SAMD11: variants seen among roughly 807,000 people sequenced by gnomAD.
SAMD11 encodes the protein sterile alpha motif domain-containing protein 11.
Under a neutral mutation model 64.4 loss-of-function variants are expected in SAMD11, and 77 were observed. That is an observed-to-expected ratio of 1.20 (90% confidence interval 0.99 to 1.44). The LOEUF (loss-of-function observed/expected upper bound fraction) is 1.44. Among genes scored for constraint, SAMD11 ranks in the 40% most tolerant of loss-of-function variants. The pLI, the probability that SAMD11 is intolerant of heterozygous loss-of-function variation, is 0.00. For missense variants in SAMD11, 1,402 were observed against 943.3 expected, an observed-to-expected ratio of 1.49 and a Z score of -6.37; for synonymous variants, 658 against 421.9, an observed-to-expected ratio of 1.56 and a Z score of -6.86.
At chr1:927,817 C>T (rs1306511231) in intron 2 of SAMD11, among the ~76,000 whole-genome samples, 1 of 152,202 alleles carries the variant, frequency 6.6e-6, no homozygotes, top group Non-Finnish European at 1.5e-5. Context: ...GTGTTCTGTC[C>T]TTGGGCAGGG....
intron 8 of SAMD11, among the ~76,000 whole-genome samples, chr1:941,543 G>A (rs1221836567): frequency 1.3e-5 from 2 of 152,094 alleles, no homozygotes; most frequent in Non-Finnish European, 2.9e-5. Context: ...AGCCAGAGAA[G>A]GGGAGAGCTC....
intron 7 of SAMD11, 116 bp downstream of exon 7, chr1:939,528 T>A: frequency 6.5e-7 from 1 of 1,537,226 alleles, no homozygotes; most frequent in East Asian, 2.3e-5. Flanking sequence ...GCCATTCCTG[T>A]TGCTGAGGCC....
intron 1 of SAMD11, among the ~76,000 whole-genome samples, chr1:925,340 G>C (rs1419217700): frequency 6.7e-6 from 1 of 149,748 alleles, no homozygotes; most frequent in Admixed American, 6.7e-5. Flanking sequence ...GCGCGGCGGG[G>C]GAGGCTGCGG....
intron 2 of SAMD11, among the ~76,000 whole-genome samples, chr1:926,218 C>T (rs539026843): frequency 2.0e-5 from 3 of 152,356 alleles, no homozygotes; most frequent in South Asian, 2.1e-4. Context: ...CTCGGGCACC[C>T]GAGCGCCCTC....
Position 939,574 on chromosome 1 carries a change from T to TGGAGGACCCC in SAMD11, c.1195+162_1195+163insGGAGGACCCC, listed in dbSNP as rs79212057. On this transcript the variant is annotated intron_variant, in intron 7 of 13. Coordinates refer to ENST00000616016, the MANE Select transcript of SAMD11 (RefSeq NM_001385641.1). Reference sequence around the variant, plus strand: ...CAAGGCCAGGCTGGATGCAGGTCCCTCTGCCACACGTCCTGCCCCATGCCC... The same window carrying TGGAGGACCCC: ...CAAGGCCAGGCTGGATGCAGGTCCCTGGAGGACCCCCTGCCACACGTCCTGCCCCATGCCC... 403 of 1,328,162 alleles carry TGGAGGACCCC rather than the reference T, an allele frequency of 3.0e-4. 33 individuals are homozygous for TGGAGGACCCC. The highest frequency in any genetic ancestry group is 5.3e-4 in the African/African-American group (35 of 66,642). 82.3% of individuals were successfully genotyped at this position (1,328,162 alleles called of 1,614,324 possible).
rs1641854135 is a variant in SAMD11, at chr1:942,604, C to G, written c.1599C>G (p.Ser533Arg). 1 of 1,435,424 alleles carries G rather than the reference C, an allele frequency of 7.0e-7. No homozygotes were observed. Among genetic ancestry groups the G allele is most frequent in the African/African-American group, 1.5e-5 (1 of 66,880 alleles). The allele number at this position is 1,435,424 out of a possible 1,614,324, so 88.9% of individuals were successfully genotyped here. A position where few individuals can be genotyped will look rare whatever the true frequency, so the allele number is the denominator to read the frequency against. ...ADLLRQKELE[S>R]ARPQLLAPET... ...TCCTGCGGCAGAAGGAGCTGGAGAGCGCGCGCCCACAGCTGCTGGCGCCCG... is the reference window on the plus strand; with the variant it reads ...TCCTGCGGCAGAAGGAGCTGGAGAGGGCGCGCCCACAGCTGCTGGCGCCCG... The change falls in exon 11 of 14, where the codon AGC becomes AGG. Residue 533 changes from serine to arginine, a missense_variant. Transcript: ENST00000616016.
rs763442580 is a variant in SAMD11, at chr1:939,394, C to T, written c.1177C>T (p.Leu393=). 5.0e-6 allele frequency: 8 copies of T among 1,612,774 alleles called. No homozygotes were observed. The highest frequency in any genetic ancestry group is 1.1e-5 in the South Asian group (1 of 91,040). The change falls in exon 7 of 14, where the codon CTG becomes TTG. Residue 393 remains leucine (L), a synonymous_variant. Coordinates refer to ENST00000616016, the MANE Select transcript of SAMD11 (RefSeq NM_001385641.1). The part of the protein sequence containing the change: ...TFEDPQRLYH[L]GLPSHDLLRV... ...TGAGGACCCTCAGCGCCTCTACCACCTGGGCCTCCCCAGCCACGGTGAGGA... is the reference window on the plus strand; with the variant it reads ...TGAGGACCCTCAGCGCCTCTACCACTTGGGCCTCCCCAGCCACGGTGAGGA...
rs573204914 is a variant in SAMD11 at position 930,302 on chromosome 1, G to A, written c.757G>A (p.Glu253Lys). Residue 253 changes from glutamate to lysine, a missense_variant, in exon 3 of 14, where the codon GAG (glutamate) becomes AAG (lysine). By Grantham distance (56) the Glu-to-Lys change is moderately conservative (BLOSUM62 1). Transcript: ENST00000616016. ...TGGGCGGCGGCCAGGCTTGAAGCAG[G>A]AGGATGGTCCGCACATCCGTATCAT... ...TCGRRPGLKQEDGPHIRIMKR... is the reference protein window; with the variant it reads ...TCGRRPGLKQKDGPHIRIMKR... 1 of 1,608,520 alleles carries A rather than the reference G, an allele frequency of 6.2e-7. No homozygotes were observed. The highest frequency in any genetic ancestry group is 8.5e-7 in the Non-Finnish European group (1 of 1,177,910).
intron 8 of SAMD11, 133 bp downstream of exon 8, chr1:941,439 T>TA (rs1641761006): frequency 2.1e-6 from 2 of 936,630 alleles, no homozygotes; most frequent in Middle Eastern, 6.9e-4. Context: ...GGCAGAGCGT[T>TA]TCGGGGGTGA....
chr1:941,991 G>T (rs994505464), intron 8 of SAMD11, 145 bp from the exon 9 acceptor site: 2 of 381,214 alleles, frequency 5.2e-6, no homozygotes, highest in Admixed American at 4.6e-5. Context: ...CGGGGGCGGG[G>T]ATGGCGCGCG....
chr1:927,635 G>T (rs954431844), intron 2 of SAMD11, among the ~76,000 whole-genome samples: 1 of 152,252 alleles, frequency 6.6e-6, no homozygotes, highest in Admixed American at 6.5e-5. Flanking sequence ...AAATCCGCAG[G>T]CATGTGCACC....
chr1:926,212 G>C (rs1368099662), intron 2 of SAMD11, among the ~76,000 whole-genome samples, 199 bp downstream of exon 2: 1 of 152,212 alleles, frequency 6.6e-6, no homozygotes, highest in African/African-American at 2.4e-5. Context: ...GGAGTCCTCG[G>C]GCACCCGAGC....
chr1:931,845 C>A (rs1641183005), intron 4 of SAMD11, among the ~76,000 whole-genome samples: 1 of 152,208 alleles, frequency 6.6e-6, no homozygotes, highest in East Asian at 1.9e-4. Context: ...AGTTGGGGGA[C>A]CCGAGTTCCT....
At position 942,754 on chromosome 1, in the gene SAMD11, C is replaced by A. The variant is rs1034416678; in HGVS notation, c.1749C>A (p.Pro583=). ...CCCAGGGGCCCCCGGGCTCCGGACC[C>A]CCCACCCCGTCCCGGGACTCTGCCC... The part of the protein sequence containing the change: ...LPPQGPPGSG[P]PTPSRDSARR... Residue 583 remains proline, a synonymous_variant, in exon 11 of 14, where the codon CCC becomes CCA. Transcript: ENST00000616016. The A allele has an allele frequency of 2.6e-6, 4 of 1,516,816 alleles. No homozygotes were observed. In the Admixed American group the frequency reaches 8.5e-5, roughly 32 times the overall value. 94.0% of individuals were successfully genotyped at this position (1,516,816 alleles called of 1,614,324 possible).
intron 5 of SAMD11, among the ~76,000 whole-genome samples, chr1:937,945 A>G (rs1352728667): frequency 2.6e-5 from 4 of 152,236 alleles, no homozygotes; most frequent in Non-Finnish European, 5.9e-5. Flanking sequence ...AGCTGACGGC[A>G]GGGCTTGTGG....
chr1:931,148 C>A (rs184422231), intron 4 of SAMD11, 59 bp downstream of exon 4: 7 of 1,505,390 alleles, frequency 4.6e-6, no homozygotes, highest in Non-Finnish European at 6.4e-6. Flanking sequence ...CTCCCTCCCA[C>A]CCCTGACCGT....
chr1:938,972 C>G, intron 5 of SAMD11, 68 bp from the exon 6 acceptor site: 4 of 1,395,314 alleles, frequency 2.9e-6, no homozygotes, highest in Non-Finnish European at 4.0e-6. Context: ...CCAGGCTGAG[C>G]TGGAGCAGGG....
Position 941,314 on chromosome 1 carries a change from GGTGGCTGCC to G in SAMD11, c.1358+11_1358+19del, listed in dbSNP as rs777870708. On this transcript the variant is annotated intron_variant, in intron 8 of 13. Transcript: ENST00000616016. ...CCCGTCCTTCTCGGAGAGGTACTGG[GGTGGCTGCC>G]GTTCTCTGCTTGTTTCTGGGGTGCC... The G allele has an allele frequency of 1.3e-6, 2 of 1,553,138 alleles. No homozygotes were observed. The highest frequency in any genetic ancestry group is 1.7e-6 in the Non-Finnish European group (2 of 1,150,572).
chr1:942,694 G>T lies in SAMD11; in HGVS notation c.1689G>T (p.Leu563=). Residue 563 remains leucine (L), a synonymous_variant, in exon 11 of 14, where the codon CTG becomes CTT. Coordinates refer to ENST00000616016, the MANE Select transcript of SAMD11 (RefSeq NM_001385641.1). The part of the protein sequence containing the change: ...ELQRRGALLV[L]NHGAAPLLAL... Reference sequence around the variant, plus strand: ...AGCGGCGCGGGGCCCTGCTGGTGCTGAACCACGGCGCGGCGCCACTGCTGG... The same window carrying T: ...AGCGGCGCGGGGCCCTGCTGGTGCTTAACCACGGCGCGGCGCCACTGCTGG... 6.9e-7 allele frequency: 1 copy of T among 1,444,910 alleles called. No homozygotes were observed. Among genetic ancestry groups the T allele is most frequent in the Non-Finnish European group, 9.0e-7 (1 of 1,110,182 alleles). The allele number at this position is 1,444,910 out of a possible 1,614,324, so 89.5% of individuals were successfully genotyped here.
Sources: gnomAD v4.1 joint callset for allele counts (sites outside exome capture counted in the v4.1 genomes callset) on GRCh38, gnomAD v4.1.1 for gene constraint, MANE v1.5 for transcripts, NCBI Gene and HGNC (gene_info 2026-07-23, HGNC 2026-07-21) for gene names.